The following LTBP3 variants were observed in gnomAD, a reference collection of about 807,000 sequenced individuals.
LTBP3 encodes the protein latent transforming growth factor beta binding protein 3.
A neutral mutation model predicts 159.7 loss-of-function variants in LTBP3; 97 were observed. The observed-to-expected ratio is 0.61, with a 90% CI of 0.52 to 0.72. The LOEUF is 0.72. Among genes scored for constraint, LTBP3 ranks in the 30% least tolerant of loss-of-function variants. LTBP3 has a pLI of 0.00. For missense variants in LTBP3, 1,584 were observed against 1,864.3 expected (o/e 0.85, Z 2.77); for synonymous variants, 824 against 777.1 (o/e 1.06, Z -1.00).
In LTBP3 at chr11:65,553,308, G is replaced by A. The variant is rs1856679315; in HGVS notation, c.971-52C>T. On this transcript the variant is annotated intron_variant, in intron 4 of 27. Transcript: ENST00000301873. The surrounding 1 kb of genome is among the most constrained non-coding windows in gnomAD (Gnocchi z 6.5). The stretch of plus-strand genomic sequence containing the variant: ...GGAGGGTGAGGAGGGAACTGGGGAG[G>A]GGCACAGCAGATGTAGAGAGGAATC... 6.8e-7 allele frequency: 1 copy of A among 1,465,966 alleles called. No individual in the cohort carries two copies. Among genetic ancestry groups the A allele is most frequent in the Non-Finnish European group, 9.4e-7 (1 of 1,067,130 alleles). 90.8% of individuals were successfully genotyped at this position (1,465,966 alleles called of 1,614,324 possible).
rs916894633 is a variant in LTBP3 at position 65,541,410 on chromosome 11, G to A, written c.2726-117C>T. On this transcript the variant is annotated intron_variant, in intron 19 of 27. Transcript: ENST00000301873. ...CCCTGGCTCCCCTTAGCCTCCTCCTGAGAGTTGGCTCTGTTCTCAACGTGG... is the reference window on the plus strand; with the variant it reads ...CCCTGGCTCCCCTTAGCCTCCTCCTAAGAGTTGGCTCTGTTCTCAACGTGG... 6.3e-6 allele frequency: 9 copies of A among 1,427,392 alleles called. No homozygotes were observed. In the African/African-American group the frequency reaches 9.8e-5, roughly 16 times the overall value. The allele number at this position is 1,427,392 out of a possible 1,614,324, so 88.4% of individuals were successfully genotyped here.
chr11:65,554,626 G>A lies in LTBP3; in HGVS notation c.332-246C>T, dbSNP rs747447318. ...AGCTGTGCGACCCTGAGCAACTCACGTCCCCTCCCTGTGCCCCAGCGTCCT... is the reference window on the plus strand; with the variant it reads ...AGCTGTGCGACCCTGAGCAACTCACATCCCCTCCCTGTGCCCCAGCGTCCT... On this transcript the variant is annotated intron_variant, in intron 1 of 27. Transcript: ENST00000301873. The surrounding 1 kb of genome is among the most constrained non-coding windows in gnomAD (Gnocchi z 5.3). Among the ~76,000 whole-genome samples, 36 of 151,988 alleles carry A rather than the reference G, an allele frequency of 2.4e-4. No individual in the cohort carries two copies. Among genetic ancestry groups the A allele is most frequent in the Admixed American group, 1.8e-3 (28 of 15,258 alleles).
intron 11 of LTBP3, 117 bp from the exon 12 acceptor site, chr11:65,548,162 C>T (rs1378294082): frequency 2.8e-6 from 4 of 1,436,968 alleles, no homozygotes; most frequent in Non-Finnish European, 3.9e-6. Context: ...TACGCCCATA[C>T]TCCAACTCCA....
rs763639032 is a variant in LTBP3 at position 65,547,950 on chromosome 11, G to A, written c.1816C>T (p.Arg606Trp). The change falls in exon 12 of 28, where the codon CGG becomes TGG. Residue 606 changes from arginine to tryptophan, a missense_variant. Around this residue, in one of 6 missense-constraint regions of LTBP3, gnomAD observed 565 missense variants for 677.7 expected, o/e 0.83. Coordinates refer to ENST00000301873, the MANE Select transcript of LTBP3 (RefSeq NM_001130144.3). This position sits in a 1 kb window ranked among gnomAD's most constrained non-coding sequence, Gnocchi z 4.6. ...CAGTAGCGGTGCTGGGGATGTGACC[G>A]GTAGCCGGGGTTGCAGTGGCAGGAG... ...DYSCHCNPGY[R>W]SHPQHRYCVD... is the part of the protein sequence containing the mutation. 6.8e-6 allele frequency: 11 copies of A among 1,613,838 alleles called. No homozygotes were observed. Among genetic ancestry groups the A allele is most frequent in the African/African-American group, 2.7e-5 (2 of 74,926 alleles).
chr11:65,553,742 G>A lies in LTBP3; in HGVS notation c.823C>T (p.Pro275Ser). 6.3e-7 allele frequency: 1 copy of A among 1,579,238 alleles called. No individual in the cohort carries two copies. Among genetic ancestry groups the A allele is most frequent in the Non-Finnish European group, 8.5e-7 (1 of 1,170,470 alleles). The change falls in exon 3 of 28, where the codon CCC becomes TCC. Residue 275 changes from proline to serine, a missense_variant. Physicochemically the swap from Pro to Ser is moderately conservative, Grantham distance 74. Around this residue, in one of 6 missense-constraint regions of LTBP3, gnomAD observed 194 missense variants for 198.7 expected, o/e 0.98. Transcript: ENST00000301873. This position sits in a 1 kb window ranked among gnomAD's most constrained non-coding sequence, Gnocchi z 6.5. ...GTGTCCTGAAAGCAGCGGCCCAGGG[G>A]CTTCTGGGTGGGCGGCCGGGGGTGC... ...PSHPRPPTQKPLGRCFQDTLP... is the reference protein window; with the variant it reads ...PSHPRPPTQKSLGRCFQDTLP...
Position 65,540,251 on chromosome 11 carries a change from C to A in LTBP3, c.3238G>T (p.Glu1080Ter). Residue 1080 changes from glutamate to a stop codon, truncating the protein, a stop_gained, in exon 23 of 28, where the codon GAG becomes TAG. Coordinates refer to ENST00000301873, the MANE Select transcript of LTBP3 (RefSeq NM_001130144.3). LOFTEE classifies it high-confidence loss of function. Reference sequence around the variant, plus strand: ...TCCCCGGCCCGGGCCTCACCCATCTCTTCCGGGCTCAGGCACTGGCGCTGC... The same window carrying A: ...TCCCCGGCCCGGGCCTCACCCATCTATTCCGGGCTCAGGCACTGGCGCTGC... The part of the protein sequence containing the change: ...PAQRQCLSPE[E>*]MDVDECQDPA... 6.4e-7 allele frequency: 1 copy of A among 1,550,446 alleles called. No individual in the cohort carries two copies. The highest frequency in any genetic ancestry group is 8.7e-7 in the Non-Finnish European group (1 of 1,147,032).
At position 65,546,981 on chromosome 11, in the gene LTBP3, A is replaced by C; in HGVS notation, c.2108-61T>G. Reference sequence around the variant, plus strand: ...GGACAACGCGGGTGGCCCGGCTCCCAGCGTCCACAGCAGGGACTTCCTCCC... The same window carrying C: ...GGACAACGCGGGTGGCCCGGCTCCCCGCGTCCACAGCAGGGACTTCCTCCC... On this transcript the variant is annotated intron_variant, in intron 14 of 27. Transcript: ENST00000301873. The surrounding 1 kb of genome is among the most constrained non-coding windows in gnomAD (Gnocchi z 4.0). 6.3e-7 allele frequency: 1 copy of C among 1,599,854 alleles called. No individual in the cohort carries two copies. Among genetic ancestry groups the C allele is most frequent in the Non-Finnish European group, 8.5e-7 (1 of 1,177,722 alleles).
chr11:65,544,111 G>A (rs1373229327), intron 16 of LTBP3: 2 of 173,676 alleles, frequency 1.2e-5, no homozygotes, highest in East Asian at 2.9e-4. Flanking sequence ...TGGGAGTTTC[G>A]AACATCCGCG....
Position 65,538,731 on chromosome 11 carries a change from C to T in LTBP3, c.*349G>A. 2 of 1,058,480 alleles carry T rather than the reference C, an allele frequency of 1.9e-6. No homozygotes were observed. The highest frequency in any genetic ancestry group is 2.6e-6 in the Non-Finnish European group (2 of 757,536). 65.6% of individuals were successfully genotyped at this position (1,058,480 alleles called of 1,614,324 possible). A position where few individuals can be genotyped will look rare whatever the true frequency, so the allele number is the denominator to read the frequency against. On this transcript the variant is annotated 3_prime_UTR_variant, in exon 28 of 28. Transcript: ENST00000301873. ...CCCTTGTGCCGGGCTCAGTCTAGCC[C>T]CTGGGAGGCGGCTGGGGTCTGGCGC...
intron 24 of LTBP3, 26 bp downstream of exon 24, chr11:65,539,987 C>A: frequency 2.1e-6 from 3 of 1,459,082 alleles, no homozygotes; most frequent in Non-Finnish European, 2.7e-6. Context: ...GCCCCGGGAT[C>A]GGCCAAGGCC....
intron 11 of LTBP3, among the ~76,000 whole-genome samples, chr11:65,549,654 G>A (rs1279713227): frequency 8.1e-6 from 1 of 122,848 alleles, no homozygotes; most frequent in Admixed American, 1.1e-4. Context: ...TCTTGACCTC[G>A]TGATCCACCC....
At chr11:65,540,686 C>T (rs895968474) in intron 21 of LTBP3, 72 bp from the exon 22 acceptor site, 6 of 1,123,962 alleles carry the variant, frequency 5.3e-6, no homozygotes, top group African/African-American at 6.1e-5. Flanking sequence ...GGCGCACCAC[C>T]GGAGCGAAGC....
In LTBP3 at chr11:65,538,927, G is replaced by T. The variant is rs1246006015; in HGVS notation, c.*153C>A. ...CGCCCGCTAACCGGGGAGGGGGGCC[G>T]GTAGGGGCGCCTCGGGTCTCAAGGC... On this transcript the variant is annotated 3_prime_UTR_variant, in exon 28 of 28. Coordinates refer to ENST00000301873, the MANE Select transcript of LTBP3 (RefSeq NM_001130144.3). 4 of 1,289,976 alleles carry T rather than the reference G, an allele frequency of 3.1e-6. No individual in the cohort carries two copies. The highest frequency in any genetic ancestry group is 4.0e-6 in the Non-Finnish European group (4 of 1,011,526). 79.9% of individuals were successfully genotyped at this position (1,289,976 alleles called of 1,614,324 possible).
chr11:65,544,964 C>G (rs1856305272), intron 16 of LTBP3: 1 of 152,704 alleles, frequency 6.5e-6, no homozygotes, highest in Non-Finnish European at 1.5e-5. Context: ...TCTCTGGCCT[C>G]TGTCCCTATC....
intron 21 of LTBP3, 111 bp downstream of exon 21, chr11:65,540,760 G>C (rs1257365761): frequency 2.7e-6 from 4 of 1,487,012 alleles, no homozygotes; most frequent in Non-Finnish European, 3.7e-6. Context: ...AGGAAGGTGC[G>C]GGCGGGGCTT....
rs568308900 is a variant in LTBP3, at chr11:65,558,083, G to T, written c.-124C>A. On this transcript the variant is annotated 5_prime_UTR_variant, in exon 1 of 28. Coordinates refer to ENST00000301873, the MANE Select transcript of LTBP3 (RefSeq NM_001130144.3). ...GGGGGCAGCGAGGGAGGGCAGCGGG[G>T]GAAGCGGGCGGGAGGGGACCGCGGG... 86 of 1,072,882 alleles carry T rather than the reference G, an allele frequency of 8.0e-5. No individual in the cohort carries two copies. In the African/African-American group the frequency reaches 1.2e-3, roughly 15 times the overall value. The allele number at this position is 1,072,882 out of a possible 1,614,324, so 66.5% of individuals were successfully genotyped here.
In LTBP3 at chr11:65,553,536, G is replaced by T; in HGVS notation, c.865-6C>A. 1 of 1,570,270 alleles carries T rather than the reference G, an allele frequency of 6.4e-7. No individual in the cohort carries two copies. Among genetic ancestry groups the T allele is most frequent in the Non-Finnish European group, 8.8e-7 (1 of 1,142,498 alleles). ...GGGAGGGGGTTGCTGCCACACTAGG[G>T]GAAGGAGGGGGAGGTGGGGTCACAG... is the stretch of plus-strand genomic sequence containing the variant. On this transcript the variant is annotated splice_polypyrimidine_tract_variant and splice_region_variant and intron_variant, in intron 3 of 27. Transcript: ENST00000301873. This position sits in a 1 kb window ranked among gnomAD's most constrained non-coding sequence, Gnocchi z 6.5.
At position 65,540,270 on chromosome 11, in the gene LTBP3, G is replaced by C; in HGVS notation, c.3219C>G (p.Arg1073=). 6.4e-7 allele frequency: 1 copy of C among 1,553,144 alleles called. No homozygotes were observed. The highest frequency in any genetic ancestry group is 8.7e-7 in the Non-Finnish European group (1 of 1,148,178). ...CCATCTCTTCCGGGCTCAGGCACTGGCGCTGCGCGGGACTGTACTCGGCAG... is the reference window on the plus strand; with the variant it reads ...CCATCTCTTCCGGGCTCAGGCACTGCCGCTGCGCGGGACTGTACTCGGCAG... The part of the protein sequence containing the change: ...TPPAEYSPAQ[R]QCLSPEEMDV... The change falls in exon 23 of 28, where the codon CGC becomes CGG. Residue 1073 remains arginine (R), a synonymous_variant. Transcript: ENST00000301873.
rs1374003392 is a variant in LTBP3 at position 65,552,326 on chromosome 11, G to A, written c.1267C>T (p.Leu423=). The change falls in exon 7 of 28, where the codon CTG becomes TTG. Residue 423 remains leucine, a synonymous_variant. Transcript: ENST00000301873. This position sits in a 1 kb window ranked among gnomAD's most constrained non-coding sequence, Gnocchi z 6.0. ...CTGCAGCAGCAGAGCTGGCGGGTCA[G>A]GCGGGTGGTCAGTGGGTGCTGGCAC... is the stretch of plus-strand genomic sequence containing the variant. The part of the protein sequence containing the change: ...HQCQHPLTTR[L]TRQLCCCSVG... 6 of 1,613,996 alleles carry A rather than the reference G, an allele frequency of 3.7e-6. No individual in the cohort carries two copies. In the Admixed American group the frequency reaches 6.7e-5, roughly 18 times the overall value.
Sources: gnomAD v4.1 joint callset for allele counts (sites outside exome capture counted in the v4.1 genomes callset) on GRCh38, gnomAD v4.1.1 for gene constraint, gnomAD v4.1.1 regional missense constraint, Gnocchi (gnomAD v3.1) non-coding constraint, MANE v1.5 for transcripts, NCBI Gene and HGNC (gene_info 2026-07-23, HGNC 2026-07-21) for gene names.